The following MAPRE2 variants were observed in gnomAD, a reference collection of about 807,000 sequenced individuals.
MAPRE2 encodes microtubule-associated protein RP/EB family member 2.
MAPRE2 carries 13 observed loss-of-function variants against 43.2 expected under a neutral mutation model. That is an observed-to-expected ratio of 0.30 (90% CI 0.20 to 0.48). MAPRE2 has a LOEUF of 0.48. Among genes scored for constraint, MAPRE2 ranks in the 20% least tolerant of loss-of-function variants. The pLI, the probability that MAPRE2 is intolerant of heterozygous loss-of-function variation, is 0.99. For synonymous variants in MAPRE2, 135 were observed against 148.8 expected, an observed-to-expected ratio of 0.91 and a Z score of 0.68; for missense variants, 161 against 400.2, an observed-to-expected ratio of 0.40 and a Z score of 5.10.
intron 3 of MAPRE2, among the ~76,000 whole-genome samples, chr18:35,099,786 T>G (rs969987232): frequency 6.6e-6 from 1 of 152,144 alleles, no homozygotes; most frequent in South Asian, 2.1e-4. Context: ...TTCCAAAAGA[T>G]TCCCTTCTCT....
intron 6 of MAPRE2, among the ~76,000 whole-genome samples, chr18:35,132,897 C>T (rs1402859869): frequency 6.6e-6 from 1 of 152,182 alleles, no homozygotes; most frequent in Non-Finnish European, 1.5e-5. Context: ...CACCCCGGGT[C>T]TGCCAGTGCC....
intron 2 of MAPRE2, among the ~76,000 whole-genome samples, chr18:35,086,336 T>G (rs1907877830): frequency 6.6e-6 from 1 of 151,868 alleles, no homozygotes; most frequent in Non-Finnish European, 1.5e-5. Flanking sequence ...AGATTATATA[T>G]AGAGATGATG....
At chr18:35,129,252 T>G (rs1274395213) in intron 5 of MAPRE2, among the ~76,000 whole-genome samples, 1 of 152,188 alleles carries the variant, frequency 6.6e-6, no homozygotes, top group African/African-American at 2.4e-5. Context: ...GGTTCACTGT[T>G]GACGTTCCCT....
chr18:35,106,765 A>G (rs966948136), intron 4 of MAPRE2, among the ~76,000 whole-genome samples: 7 of 152,196 alleles, frequency 4.6e-5, no homozygotes, highest in Admixed American at 4.6e-4. Flanking sequence ...ACCTAAGGGT[A>G]AATGGCTGCT....
chr18:35,135,151 C>T (rs1425314972), intron 6 of MAPRE2, among the ~76,000 whole-genome samples: 1 of 152,178 alleles, frequency 6.6e-6, no homozygotes, highest in African/African-American at 2.4e-5. Flanking sequence ...TGCAAAACTC[C>T]AAAAGAGACA....
At chr18:35,058,554 G>A (rs1906355338) in intron 1 of MAPRE2, among the ~76,000 whole-genome samples, 2 of 152,106 alleles carry the variant, frequency 1.3e-5, no homozygotes, top group Non-Finnish European at 2.9e-5. Context: ...CAAATTGAGA[G>A]GCTTGAACCT....
chr18:35,016,955 A>G (rs752381893), intron 2 of MAPRE2, among the ~76,000 whole-genome samples: 1 of 151,966 alleles, frequency 6.6e-6, no homozygotes, highest in Non-Finnish European at 1.5e-5. Flanking sequence ...TCTTTAATCC[A>G]TCTTGAGTTA....
chr18:35,119,013 A>C (rs1278476553), intron 4 of MAPRE2, among the ~76,000 whole-genome samples: 1 of 152,140 alleles, frequency 6.6e-6, no homozygotes, highest in Non-Finnish European at 1.5e-5. Flanking sequence ...CCCTGCAGGG[A>C]ACCTGGAAGT....
At chr18:35,013,879 G>A (rs1244273877) in intron 2 of MAPRE2, among the ~76,000 whole-genome samples, 1 of 152,058 alleles carries the variant, frequency 6.6e-6, no homozygotes, top group African/African-American at 2.4e-5. Context: ...ATGGCATTGT[G>A]TGTATATACT....
intron 1 of MAPRE2, chr18:34,978,386 G>A: frequency 1.2e-6 from 1 of 840,918 alleles, no homozygotes; most frequent in Admixed American, 2.1e-5. Context: ...CCCTGGGGCC[G>A]CGCTGCGAGG....
intron 1 of MAPRE2, among the ~76,000 whole-genome samples, chr18:35,063,004 G>GA (rs1906611493): frequency 6.6e-6 from 1 of 152,224 alleles, no homozygotes; most frequent in African/African-American, 2.4e-5. Context: ...TGAGAGAAAA[G>GA]AAAGACAGTC....
intron 1 of MAPRE2, among the ~76,000 whole-genome samples, chr18:34,991,671 C>T (rs182770780): frequency 8.9e-4 from 136 of 152,196 alleles, no homozygotes; most frequent in African/African-American, 3.0e-3. Flanking sequence ...GTCAGGCTGT[C>T]TTTCTGGAAT....
upstream of MAPRE2, among the ~76,000 whole-genome samples, chr18:35,040,465 A>C (rs921543023): frequency 3.3e-5 from 5 of 152,220 alleles, no homozygotes; most frequent in Non-Finnish European, 7.3e-5. Context: ...CACCACTCCT[A>C]GCTGTGTGAC....
intron 2 of MAPRE2, among the ~76,000 whole-genome samples, chr18:35,021,119 T>C (rs1416051647): frequency 1.3e-5 from 2 of 152,110 alleles, no homozygotes; most frequent in Non-Finnish European, 2.9e-5. Context: ...CCTGGTACTT[T>C]AGTGTGAATA....
intron 1 of MAPRE2, among the ~76,000 whole-genome samples, chr18:34,998,157 T>C (rs994031015): frequency 5.3e-5 from 8 of 152,092 alleles, no homozygotes; most frequent in Non-Finnish European, 1.0e-4. Context: ...GATTCCTTTG[T>C]AAGGCAGACC....
At chr18:35,014,162 T>C (rs1222522749) in intron 2 of MAPRE2, among the ~76,000 whole-genome samples, 1 of 152,126 alleles carries the variant, frequency 6.6e-6, no homozygotes, top group Non-Finnish European at 1.5e-5. Context: ...TCTGGTCTAA[T>C]GGCTTCAATA....
At chr18:35,070,096 A>G (rs1907032404) in intron 1 of MAPRE2, 99 bp from the exon 2 acceptor site, 2 of 940,956 alleles carry the variant, frequency 2.1e-6, no homozygotes, top group Non-Finnish European at 3.1e-6. Context: ...GGACTTTTAC[A>G]TGCCCTGGAG....
chr18:34,996,251 A>G (rs928311529), intron 1 of MAPRE2, among the ~76,000 whole-genome samples: 1 of 152,114 alleles, frequency 6.6e-6, no homozygotes, highest in Non-Finnish European at 1.5e-5. Flanking sequence ...TTTGTGGAAG[A>G]CAATTTTTCC....
chr18:35,137,917 A>T (rs981597383), intron 6 of MAPRE2, among the ~76,000 whole-genome samples: 1 of 152,206 alleles, frequency 6.6e-6, no homozygotes, highest in Non-Finnish European at 1.5e-5. Context: ...GGGAGTTCCC[A>T]GCCCACCATT....
Sources: allele counts gnomAD v4.1 joint callset (sites outside exome capture counted in the v4.1 genomes callset), GRCh38; gene constraint gnomAD v4.1.1; transcripts MANE v1.5; gene names NCBI Gene and HGNC (gene_info 2026-07-23, HGNC 2026-07-21).